Variants in CLEC11A observed in about 807,000 individuals in gnomAD.
CLEC11A encodes the protein C-type lectin domain family 11 member A.
In CLEC11A, 35 loss-of-function variants were observed where a neutral mutation model predicts 33.9. That is an observed-to-expected ratio of 1.03 (90% CI 0.79 to 1.37). The LOEUF is 1.37. Ranked by LOEUF, CLEC11A falls within the 40% of genes most tolerant of loss-of-function variation. The pLI, the probability that CLEC11A is intolerant of heterozygous loss-of-function variation, is 0.00. For synonymous variants in CLEC11A, 220 were observed against 202.2 expected (o/e 1.09, Z -0.75); for missense variants, 519 against 455.5 (o/e 1.14, Z -1.27).
chr19:50,724,410 TGGGCCGCCTGGCC>T lies in CLEC11A; in HGVS notation c.338_350del (p.Gly113AlafsTer23). 6.6e-7 allele frequency: 1 copy of T among 1,503,836 alleles called. No homozygotes were observed. Among genetic ancestry groups the T allele is most frequent in the Non-Finnish European group, 8.8e-7 (1 of 1,133,982 alleles). 93.2% of individuals were successfully genotyped at this position (1,503,836 alleles called of 1,614,324 possible). ...CAGCATGATCCCTGTCTGTCCGCAG[TGGGCCGCCTGGCC>T]GGCCTGGACGCAGGCCTGCACCAGC... On this transcript the variant is annotated frameshift_variant and splice_region_variant, in exon 3 of 4. Transcript: ENST00000250340. LOFTEE classifies it high-confidence loss of function. This position sits in a 1 kb window ranked among gnomAD's most constrained non-coding sequence, Gnocchi z 4.1.
chr19:50,724,928 C>T lies in CLEC11A; in HGVS notation c.527-94C>T, dbSNP rs373910278. 341 of 1,413,256 alleles carry T rather than the reference C, an allele frequency of 2.4e-4. No individual in the cohort carries two copies. The African/African-American group carries it at 4.8e-3, about 20-fold the overall frequency. The allele number at this position is 1,413,256 out of a possible 1,614,324, so 87.5% of individuals were successfully genotyped here. A position where few individuals can be genotyped will look rare whatever the true frequency, so the allele number is the denominator to read the frequency against. ...CAGCCCTCCCCATGAGTTCCTGGCC[C>T]CGCCTCCCTCCACCCCCGGATGTTT... On this transcript the variant is annotated intron_variant, in intron 3 of 3. Transcript: ENST00000250340. This position sits in a 1 kb window ranked among gnomAD's most constrained non-coding sequence, Gnocchi z 4.1.
chr19:50,724,003 G>A lies in CLEC11A; in HGVS notation c.246G>A (p.Gln82=). Residue 82 remains glutamine (Q), a synonymous_variant, in exon 2 of 4, where the codon CAG becomes CAA. Transcript: ENST00000250340. This position sits in a 1 kb window ranked among gnomAD's most constrained non-coding sequence, Gnocchi z 4.1. The part of the protein sequence containing the change: ...GKEDWEMEED[Q]GEEEEEEATP... ...AGGACTGGGAGATGGAGGAGGACCA[G>A]GGGGAGGAAGAGGAGGAGGAAGCAA... 6.2e-7 allele frequency: 1 copy of A among 1,612,990 alleles called. No homozygotes were observed. Among genetic ancestry groups the A allele is most frequent in the Non-Finnish European group, 8.5e-7 (1 of 1,179,186 alleles).
In CLEC11A at chr19:50,724,850, G is replaced by T; in HGVS notation, c.527-172G>T. ...CTCCCACCGCCTGGCCCCGCCCCTG[G>T]CGGACCAGACTCTCCACCTCCTGGC... is the stretch of plus-strand genomic sequence containing the variant. On this transcript the variant is annotated intron_variant, in intron 3 of 3. Transcript: ENST00000250340. The surrounding 1 kb of genome is among the most constrained non-coding windows in gnomAD (Gnocchi z 4.1). The T allele has an allele frequency of 7.2e-7, 1 of 1,395,456 alleles. No individual in the cohort carries two copies. Among genetic ancestry groups the T allele is most frequent in the Non-Finnish European group, 9.3e-7 (1 of 1,080,660 alleles). 86.4% of individuals were successfully genotyped at this position (1,395,456 alleles called of 1,614,324 possible).
rs887293830 is a variant in CLEC11A, at chr19:50,725,654, T to C, written c.*187T>C. The C allele has an allele frequency of 1.9e-5, 21 of 1,103,302 alleles. No homozygotes were observed. The highest frequency in any genetic ancestry group is 3.2e-5 in the African/African-American group (2 of 62,880). 68.3% of individuals were successfully genotyped at this position (1,103,302 alleles called of 1,614,324 possible). ...ACTCCTCCTTGTTAGTGTCTTTCCT[T>C]GAAGGGGCGGGCACCAGGCTAGGTC... On this transcript the variant is annotated 3_prime_UTR_variant, in exon 4 of 4. Coordinates refer to ENST00000250340, the MANE Select transcript of CLEC11A (RefSeq NM_002975.3).
Position 50,723,723 on chromosome 19 carries a change from A to T in CLEC11A, c.147+51A>T. ...ATGGGTGGTGAACTGTGGGTCTGGG[A>T]GGGGGTATTGCAAGGTTAGGGAAAT... On this transcript the variant is annotated intron_variant, in intron 1 of 3. Transcript: ENST00000250340. The surrounding 1 kb of genome is among the most constrained non-coding windows in gnomAD (Gnocchi z 4.1). 6.5e-7 allele frequency: 1 copy of T among 1,536,166 alleles called. No individual in the cohort carries two copies. The highest frequency in any genetic ancestry group is 8.7e-7 in the Non-Finnish European group (1 of 1,143,826).
In CLEC11A at chr19:50,725,052, A is replaced by G; in HGVS notation, c.557A>G (p.Lys186Arg). Residue 186 changes from lysine (K) to arginine (R), a missense_variant, in exon 4 of 4, where the codon AAG (lysine) becomes AGG (arginine). Lys to Arg is a conservative substitution (Grantham distance 26). Coordinates refer to ENST00000250340, the MANE Select transcript of CLEC11A (RefSeq NM_002975.3). ...CTGAAGGGGCTGCGCCTGGGCCACAAGTGCTTCCTGCTCTCGCGCGACTTC... is the reference window on the plus strand; with the variant it reads ...CTGAAGGGGCTGCGCCTGGGCCACAGGTGCTTCCTGCTCTCGCGCGACTTC... Reference protein sequence around the residue: ...GCLKGLRLGHKCFLLSRDFEA... With the variant: ...GCLKGLRLGHRCFLLSRDFEA... The G allele has an allele frequency of 6.6e-7, 1 of 1,514,712 alleles. No individual in the cohort carries two copies. Among genetic ancestry groups the G allele is most frequent in the Non-Finnish European group, 8.8e-7 (1 of 1,133,390 alleles). The allele number at this position is 1,514,712 out of a possible 1,614,324, so 93.8% of individuals were successfully genotyped here.
At position 50,723,948 on chromosome 19, in the gene CLEC11A, A is replaced by G; in HGVS notation, c.191A>G (p.Glu64Gly). Residue 64 changes from glutamate (E) to glycine (G), a missense_variant, in exon 2 of 4, where the codon GAG becomes GGG. By Grantham distance (98) the Glu-to-Gly change is moderately conservative. Transcript: ENST00000250340. The surrounding 1 kb of genome is among the most constrained non-coding windows in gnomAD (Gnocchi z 4.1). ...GGACTGCCTGCTGGGAGGGGGGATGAGAATCCTGCCGGAACTGTTGAGGGA... is the reference window on the plus strand; with the variant it reads ...GGACTGCCTGCTGGGAGGGGGGATGGGAATCCTGCCGGAACTGTTGAGGGA... ...ALGLPAGRGD[E>G]NPAGTVEGKE... 2 of 1,613,510 alleles carry G rather than the reference A, an allele frequency of 1.2e-6. No homozygotes were observed. The highest frequency in any genetic ancestry group is 1.7e-6 in the Non-Finnish European group (2 of 1,179,820).
At position 50,723,743 on chromosome 19, in the gene CLEC11A, G is replaced by A; in HGVS notation, c.147+71G>A. ...CTGGGAGGGGGTATTGCAAGGTTAG[G>A]GAAATGGACAATGAGGAGCGATTGG... On this transcript the variant is annotated intron_variant, in intron 1 of 3. Transcript: ENST00000250340. The surrounding 1 kb of genome is among the most constrained non-coding windows in gnomAD (Gnocchi z 4.1). 1 of 1,532,370 alleles carries A rather than the reference G, an allele frequency of 6.5e-7. No individual in the cohort carries two copies. Among genetic ancestry groups the A allele is most frequent in the Non-Finnish European group, 8.8e-7 (1 of 1,142,426 alleles). 94.9% of individuals were successfully genotyped at this position (1,532,370 alleles called of 1,614,324 possible). A position where few individuals can be genotyped will look rare whatever the true frequency, so the allele number is the denominator to read the frequency against.
chr19:50,724,885 T>G lies in CLEC11A; in HGVS notation c.527-137T>G, dbSNP rs1022255577. The G allele has an allele frequency of 2.1e-6, 3 of 1,406,612 alleles. No individual in the cohort carries two copies. In the African/African-American group the frequency reaches 4.6e-5, roughly 21 times the overall value. The allele number at this position is 1,406,612 out of a possible 1,614,324, so 87.1% of individuals were successfully genotyped here. A position where few individuals can be genotyped will look rare whatever the true frequency, so the allele number is the denominator to read the frequency against. ...CTCTCCACCTCCTGGCTCCCGCGGT[T>G]CTGACCACGCCTCCTCCCAGCCCTC... On this transcript the variant is annotated intron_variant, in intron 3 of 3. Coordinates refer to ENST00000250340, the MANE Select transcript of CLEC11A (RefSeq NM_002975.3). The surrounding 1 kb of genome is among the most constrained non-coding windows in gnomAD (Gnocchi z 4.1).
In CLEC11A at chr19:50,723,676, A is replaced by G. The variant is rs1430534031; in HGVS notation, c.147+4A>G. The stretch of plus-strand genomic sequence containing the variant: ...GAGGGAGGCCCTGATGCTGAAGGTG[A>G]GCTCTGGAGTGTCAGGGAGCTATGG... On this transcript the variant is annotated splice_donor_region_variant and intron_variant, in intron 1 of 3. Transcript: ENST00000250340. The surrounding 1 kb of genome is among the most constrained non-coding windows in gnomAD (Gnocchi z 4.1). 6.4e-7 allele frequency: 1 copy of G among 1,572,644 alleles called. No homozygotes were observed. The highest frequency in any genetic ancestry group is 8.6e-7 in the Non-Finnish European group (1 of 1,161,358).
At position 50,724,763 on chromosome 19, in the gene CLEC11A, G is replaced by C. The variant is rs1041540623; in HGVS notation, c.526+162G>C. ...AGCTGGGAGGCTGAATGCAGGGAGC[G>C]GGTGGGCACTCCAGACCCGCGCGGA... is the stretch of plus-strand genomic sequence containing the variant. On this transcript the variant is annotated intron_variant, in intron 3 of 3. Transcript: ENST00000250340. The surrounding 1 kb of genome is among the most constrained non-coding windows in gnomAD (Gnocchi z 4.1). Among the ~76,000 whole-genome samples the C allele has an allele frequency of 6.6e-6, 1 of 152,028 alleles. No individual in the cohort carries two copies. The highest frequency in any genetic ancestry group is 1.5e-5 in the Non-Finnish European group (1 of 67,972).
At position 50,724,416 on chromosome 19, in the gene CLEC11A, G is replaced by T; in HGVS notation, c.341G>T (p.Arg114Leu). ...GATCCCTGTCTGTCCGCAGTGGGCC[G>T]CCTGGCCGGCCTGGACGCAGGCCTG... The part of the protein sequence containing the change: ...PEDIVTYILG[R>L]LAGLDAGLHQ... The change falls in exon 3 of 4, where the codon CGC (arginine) becomes CTC (leucine). Residue 114 changes from arginine (R) to leucine (L), a missense_variant. Coordinates refer to ENST00000250340, the MANE Select transcript of CLEC11A (RefSeq NM_002975.3). The surrounding 1 kb of genome is among the most constrained non-coding windows in gnomAD (Gnocchi z 4.1). The T allele has an allele frequency of 1.3e-6, 2 of 1,505,532 alleles. No homozygotes were observed. Among genetic ancestry groups the T allele is most frequent in the South Asian group, 2.6e-5 (2 of 76,648 alleles). 93.3% of individuals were successfully genotyped at this position (1,505,532 alleles called of 1,614,324 possible). A position where few individuals can be genotyped will look rare whatever the true frequency, so the allele number is the denominator to read the frequency against.
In CLEC11A at chr19:50,724,356, C is replaced by A; in HGVS notation, c.335-54C>A. 1.4e-6 allele frequency: 2 copies of A among 1,406,476 alleles called. No individual in the cohort carries two copies. Among genetic ancestry groups the A allele is most frequent in the Non-Finnish European group, 9.3e-7 (1 of 1,072,708 alleles). 87.1% of individuals were successfully genotyped at this position (1,406,476 alleles called of 1,614,324 possible). Reference sequence around the variant, plus strand: ...GATCCCAGTTCTCCAGGTCCTCAGGCCCCCCGCTGCATCTCCAGGCTCCCC... The same window carrying A: ...GATCCCAGTTCTCCAGGTCCTCAGGACCCCCGCTGCATCTCCAGGCTCCCC... On this transcript the variant is annotated intron_variant, in intron 2 of 3. Transcript: ENST00000250340. This position sits in a 1 kb window ranked among gnomAD's most constrained non-coding sequence, Gnocchi z 4.1.
chr19:50,724,874 G>A lies in CLEC11A; in HGVS notation c.527-148G>A. 1 of 1,402,840 alleles carries A rather than the reference G, an allele frequency of 7.1e-7. No individual in the cohort carries two copies. The highest frequency in any genetic ancestry group is 9.2e-7 in the Non-Finnish European group (1 of 1,085,988). 86.9% of individuals were successfully genotyped at this position (1,402,840 alleles called of 1,614,324 possible). A position where few individuals can be genotyped will look rare whatever the true frequency, so the allele number is the denominator to read the frequency against. On this transcript the variant is annotated intron_variant, in intron 3 of 3. Coordinates refer to ENST00000250340, the MANE Select transcript of CLEC11A (RefSeq NM_002975.3). This position sits in a 1 kb window ranked among gnomAD's most constrained non-coding sequence, Gnocchi z 4.1. Reference sequence around the variant, plus strand: ...GGCGGACCAGACTCTCCACCTCCTGGCTCCCGCGGTTCTGACCACGCCTCC... The same window carrying A: ...GGCGGACCAGACTCTCCACCTCCTGACTCCCGCGGTTCTGACCACGCCTCC...
chr19:50,724,091 CGTGA>C lies in CLEC11A; in HGVS notation c.334+3_334+6del, dbSNP rs1393826405. The stretch of plus-strand genomic sequence containing the variant: ...CCCTGAGGACATCGTCACTTACATC[CGTGA>C]GTAACCAGAAGCCCTCACCCCCAAA... On this transcript the variant is annotated splice_donor_variant and splice_donor_region_variant and intron_variant, in intron 2 of 3. Transcript: ENST00000250340. LOFTEE classifies it high-confidence loss of function. This position sits in a 1 kb window ranked among gnomAD's most constrained non-coding sequence, Gnocchi z 4.1. The C allele has an allele frequency of 5.6e-6, 9 of 1,612,820 alleles. No homozygotes were observed. The highest frequency in any genetic ancestry group is 6.8e-6 in the Non-Finnish European group (8 of 1,179,580).
rs777644864 is a variant in CLEC11A, at chr19:50,724,489, G to A, written c.414G>A (p.Glu138=). Residue 138 remains glutamate, a synonymous_variant, in exon 3 of 4, where the codon GAG becomes GAA. Transcript: ENST00000250340. The surrounding 1 kb of genome is among the most constrained non-coding windows in gnomAD (Gnocchi z 4.1). The part of the protein sequence containing the change: ...RLHALDTRVV[E]LTQGLRQLRN... ...ACGCGTTGGACACCCGCGTGGTCGAGCTGACCCAGGGGCTGCGGCAGCTGC... is the reference window on the plus strand; with the variant it reads ...ACGCGTTGGACACCCGCGTGGTCGAACTGACCCAGGGGCTGCGGCAGCTGC... The A allele has an allele frequency of 6.3e-7, 1 of 1,578,662 alleles. No homozygotes were observed. The highest frequency in any genetic ancestry group is 1.1e-5 in the South Asian group (1 of 88,752).
At position 50,724,596 on chromosome 19, in the gene CLEC11A, T is replaced by C. The variant is rs1250180162; in HGVS notation, c.521T>C (p.Leu174Ser). ...QGRAEREHGRLEGCLKGLRLG... is the reference protein window; with the variant it reads ...QGRAEREHGRSEGCLKGLRLG... ...CGCGCCGAGCGCGAGCACGGCCGCTTGGAGGGTGAGTCCGCGGCGCGCGGG... is the reference window on the plus strand; with the variant it reads ...CGCGCCGAGCGCGAGCACGGCCGCTCGGAGGGTGAGTCCGCGGCGCGCGGG... Residue 174 changes from leucine (L) to serine (S), a missense_variant, in exon 3 of 4, where the codon TTG (leucine) becomes TCG (serine). Physicochemically the swap from Leu to Ser is moderately radical, Grantham distance 145. Coordinates refer to ENST00000250340, the MANE Select transcript of CLEC11A (RefSeq NM_002975.3). This position sits in a 1 kb window ranked among gnomAD's most constrained non-coding sequence, Gnocchi z 4.1. 7.1e-7 allele frequency: 1 copy of C among 1,410,258 alleles called. No homozygotes were observed. Among genetic ancestry groups the C allele is most frequent in the African/African-American group, 1.5e-5 (1 of 66,410 alleles). 87.4% of individuals were successfully genotyped at this position (1,410,258 alleles called of 1,614,324 possible).
At position 50,725,461 on chromosome 19, in the gene CLEC11A, CT is replaced by C; in HGVS notation, c.968del (p.Phe323SerfsTer82). The C allele has an allele frequency of 6.3e-7, 1 of 1,594,678 alleles. No individual in the cohort carries two copies. Among genetic ancestry groups the C allele is most frequent in the Non-Finnish European group, 8.6e-7 (1 of 1,168,058 alleles). ...GTCTCTACTACGTCTGCGAGTTCCCCTTCTAGCGGGGCCGGTACCCCGCCTC... is the reference window on the plus strand; with the variant it reads ...GTCTCTACTACGTCTGCGAGTTCCCCTCTAGCGGGGCCGGTACCCCGCCTC... ...RRLYYVCEFP[F>X] On this transcript the variant is annotated frameshift_variant, in exon 4 of 4. Coordinates refer to ENST00000250340, the MANE Select transcript of CLEC11A (RefSeq NM_002975.3). LOFTEE classifies it high-confidence loss of function.
Position 50,723,603 on chromosome 19 carries a change from G to A in CLEC11A, c.78G>A (p.Glu26=). ...TTGGCCATGGGGCTCGGGGAGCAGA[G>A]AGGGAGTGGGAGGGAGGCTGGGGAG... ...LGFGHGARGA[E]REWEGGWGGA... The change falls in exon 1 of 4, where the codon GAG becomes GAA. Residue 26 remains glutamate, a synonymous_variant. Transcript: ENST00000250340. The surrounding 1 kb of genome is among the most constrained non-coding windows in gnomAD (Gnocchi z 4.1). 1 of 1,610,664 alleles carries A rather than the reference G, an allele frequency of 6.2e-7. No individual in the cohort carries two copies. Among genetic ancestry groups the A allele is most frequent in the Non-Finnish European group, 8.5e-7 (1 of 1,179,278 alleles).
Sources: gnomAD v4.1 joint callset for allele counts (sites outside exome capture counted in the v4.1 genomes callset) on GRCh38, gnomAD v4.1.1 for gene constraint, Gnocchi (gnomAD v3.1) non-coding constraint, MANE v1.5 for transcripts, NCBI Gene and HGNC (gene_info 2026-07-23, HGNC 2026-07-21) for gene names.